Variants in SDK1 observed in about 807,000 individuals in gnomAD.
The protein encoded by SDK1 is protein sidekick-1.
A neutral mutation model predicts 245.5 loss-of-function variants in SDK1; 157 were observed. The ratio of observed to expected loss-of-function variants is 0.64; its 90% CI spans 0.56 to 0.73. SDK1 has a LOEUF of 0.73. SDK1 is among the 30% of genes least tolerant of loss of function. The probability of loss-of-function intolerance (pLI) is 0.00; values close to 1 mark genes in which losing one functional copy is unlikely to be tolerated. For missense variants in SDK1, 3,583 were observed against 3,002.3 expected, an observed-to-expected ratio of 1.19 and a Z score of -4.52; for synonymous variants, 1,647 against 1,278.5, an observed-to-expected ratio of 1.29 and a Z score of -6.15.
At chr7:3,627,461 G>T (rs1166606039) in intron 2 of SDK1, among the ~76,000 whole-genome samples, 1 of 152,164 alleles carries the variant, frequency 6.6e-6, no homozygotes, top group Non-Finnish European at 1.5e-5. Flanking sequence ...AGCAGAGAAG[G>T]CAGATCCATA....
intron 17 of SDK1, among the ~76,000 whole-genome samples, chr7:4,048,768 G>A (rs1035693706): frequency 1.3e-5 from 2 of 152,208 alleles, no homozygotes; most frequent in Non-Finnish European, 2.9e-5. Flanking sequence ...CAGTCATTTG[G>A]CAGGTATATA....
intron 4 of SDK1, among the ~76,000 whole-genome samples, chr7:3,800,695 A>G (rs984120161): frequency 6.6e-6 from 1 of 152,090 alleles, no homozygotes. Flanking sequence ...TTTAAAGTCA[A>G]GTACTGTTTT....
At chr7:3,692,389 A>G (rs911902910) in intron 4 of SDK1, among the ~76,000 whole-genome samples, 1 of 152,056 alleles carries the variant, frequency 6.6e-6, no homozygotes, top group African/African-American at 2.4e-5. Context: ...GCCCATGTGT[A>G]TTTAGAATTT....
chr7:3,561,382 A>C (rs1326249937), intron 1 of SDK1, among the ~76,000 whole-genome samples: 1 of 152,168 alleles, frequency 6.6e-6, no homozygotes, highest in East Asian at 1.9e-4. Flanking sequence ...AAAGAAAGAC[A>C]CTGTCTCCTC....
At chr7:3,737,638 G>A (rs977229413) in intron 4 of SDK1, among the ~76,000 whole-genome samples, 1 of 152,194 alleles carries the variant, frequency 6.6e-6, no homozygotes, top group African/African-American at 2.4e-5. Context: ...GGGATTTGGT[G>A]CCACCACTGA....
chr7:3,304,321 T>G (rs575064325), intron 1 of SDK1, among the ~76,000 whole-genome samples: 6 of 152,344 alleles, frequency 3.9e-5, no homozygotes, highest in Non-Finnish European at 5.9e-5. Flanking sequence ...ACACATGCTT[T>G]CTTTATGCCA....
At chr7:4,197,094 C>T (rs542304079) in intron 35 of SDK1, among the ~76,000 whole-genome samples, 1 of 152,208 alleles carries the variant, frequency 6.6e-6, no homozygotes, top group Non-Finnish European at 1.5e-5. Context: ...ATGAAACCTC[C>T]TCTCCCACCT....
chr7:3,716,484 G>T (rs1178505694), intron 4 of SDK1, among the ~76,000 whole-genome samples: 4 of 152,190 alleles, frequency 2.6e-5, no homozygotes, highest in Non-Finnish European at 5.9e-5. Flanking sequence ...GTGTTATCAC[G>T]TGTAATATCA....
intron 1 of SDK1, among the ~76,000 whole-genome samples, chr7:3,308,051 G>A (rs1024159846): frequency 6.6e-6 from 1 of 152,028 alleles, no homozygotes; most frequent in African/African-American, 2.4e-5. Context: ...TTCTCCTTAG[G>A]TGCTGCCGTC....
chr7:3,669,199 T>C (rs1164833759), intron 4 of SDK1, among the ~76,000 whole-genome samples: 3 of 152,132 alleles, frequency 2.0e-5, no homozygotes, highest in Non-Finnish European at 2.9e-5. Context: ...AGCAAAGAAA[T>C]GTGGAATTGA....
At chr7:3,560,969 C>A (rs375604945) in intron 1 of SDK1, among the ~76,000 whole-genome samples, 58 of 152,336 alleles carry the variant, frequency 3.8e-4, no homozygotes, top group African/African-American at 1.3e-3. Context: ...TTCGCACCAA[C>A]CCCCAAACAT....
intron 19 of SDK1, among the ~76,000 whole-genome samples, chr7:4,062,743 A>T (rs905915540): frequency 1.4e-4 from 22 of 152,362 alleles, no homozygotes; most frequent in African/African-American, 4.8e-4. Flanking sequence ...AGCACGTCAG[A>T]AATATAATAC....
At chr7:3,760,505 G>A (rs1186396343) in intron 4 of SDK1, among the ~76,000 whole-genome samples, 1 of 152,178 alleles carries the variant, frequency 6.6e-6, no homozygotes, top group South Asian at 2.1e-4. Flanking sequence ...GAAGTGTTCG[G>A]TCACGTTTTT....
At chr7:3,995,248 A>C (rs974301899) in intron 14 of SDK1, among the ~76,000 whole-genome samples, 1 of 152,042 alleles carries the variant, frequency 6.6e-6, no homozygotes, top group Non-Finnish European at 1.5e-5. Context: ...CGAATCTGGG[A>C]ATTCTCGCCC....
chr7:3,908,427 C>T (rs912262606), intron 5 of SDK1, among the ~76,000 whole-genome samples: 3 of 152,168 alleles, frequency 2.0e-5, no homozygotes, highest in African/African-American at 2.4e-5. Flanking sequence ...CCTTCATACA[C>T]GGCTGGCCAG....
intron 1 of SDK1, among the ~76,000 whole-genome samples, chr7:3,360,915 G>T (rs1291542318): frequency 6.6e-6 from 1 of 152,142 alleles, no homozygotes; most frequent in Non-Finnish European, 1.5e-5. Flanking sequence ...CATCATATGG[G>T]TTATTCATCG....
chr7:3,412,288 T>C (rs1196299522), intron 1 of SDK1, among the ~76,000 whole-genome samples: 5 of 152,192 alleles, frequency 3.3e-5, no homozygotes, highest in South Asian at 2.1e-4. Context: ...TAATTACATA[T>C]ATAATACAAA....
intron 38 of SDK1, among the ~76,000 whole-genome samples, chr7:4,214,130 A>G (rs1784658149): frequency 2.0e-5 from 3 of 152,070 alleles, no homozygotes; most frequent in African/African-American, 7.2e-5. Context: ...TTTTGAAAAT[A>G]ATGACGAGGG....
At chr7:3,769,530 C>A (rs542687406) in intron 4 of SDK1, among the ~76,000 whole-genome samples, 6 of 152,294 alleles carry the variant, frequency 3.9e-5, no homozygotes, top group African/African-American at 1.4e-4. Context: ...CCTAAGCTCC[C>A]ATCTCTCAAT....
Sources: allele counts gnomAD v4.1 joint callset (sites outside exome capture counted in the v4.1 genomes callset), GRCh38; gene constraint gnomAD v4.1.1; transcripts MANE v1.5; gene names NCBI Gene and HGNC (gene_info 2026-07-23, HGNC 2026-07-21).